The following AKR1D1 variants were observed in gnomAD, a reference collection of about 807,000 sequenced individuals.
AKR1D1 encodes aldo-keto reductase family 1 member D1, also known as delta(4)-3-ketosteroid 5-beta-reductase.
Under a neutral mutation model 42.6 loss-of-function variants are expected in AKR1D1, and 32 were observed. The observed-to-expected ratio is 0.75, with a 90% confidence interval of 0.57 to 1.01. The LOEUF (loss-of-function observed/expected upper bound fraction) is 1.01, where lower values mean the gene tolerates loss of function less well. Ranked by LOEUF, AKR1D1 falls within the 50% of genes least tolerant of loss-of-function variation. AKR1D1 has a pLI of 0.00. For synonymous variants in AKR1D1, 123 were observed against 135.5 expected (o/e 0.91, Z 0.64); for missense variants, 364 against 402.2 (o/e 0.91, Z 0.81).
At chr7:138,081,581 A>C (rs1470364147) in intron 1 of AKR1D1, among the ~76,000 whole-genome samples, 1 of 117,594 alleles carries the variant, frequency 8.5e-6, no homozygotes, top group Non-Finnish European at 1.6e-5. Context: ...GCTGGAGTGC[A>C]ATGGCACGAT....
Position 138,106,680 on chromosome 7 carries a change from G to C in AKR1D1, c.652G>C (p.Ala218Pro). Reference sequence around the variant, plus strand: ...CCAACAACATGACATTGTCATTACTGCATATAGCCCTTTGGGGACCAGTAG... The same window carrying C: ...CCAACAACATGACATTGTCATTACTCCATATAGCCCTTTGGGGACCAGTAG... Reference protein sequence around the residue: ...FCQQHDIVITAYSPLGTSRNP... With the variant: ...FCQQHDIVITPYSPLGTSRNP... Residue 218 changes from alanine to proline, a missense_variant, in exon 6 of 9, where the codon GCA becomes CCA. Ala to Pro is a conservative substitution (Grantham distance 27). Coordinates refer to ENST00000242375, the MANE Select transcript of AKR1D1 (RefSeq NM_005989.4). 1 of 1,613,956 alleles carries C rather than the reference G, an allele frequency of 6.2e-7. No individual in the cohort carries two copies. Among genetic ancestry groups the C allele is most frequent in the Non-Finnish European group, 8.5e-7 (1 of 1,179,880 alleles).
At chr7:138,093,028 G>C (rs2117437206) in intron 3 of AKR1D1, among the ~76,000 whole-genome samples, 1 of 150,718 alleles carries the variant, frequency 6.6e-6, no homozygotes. Context: ...TTAACTTTTT[G>C]ATTCTTTGTA....
intron 3 of AKR1D1, among the ~76,000 whole-genome samples, chr7:138,093,978 C>T (rs531689020): frequency 6.6e-6 from 1 of 152,292 alleles, no homozygotes; most frequent in East Asian, 1.9e-4. Context: ...CATGACTCTA[C>T]TTAAAAGTGA....
chr7:138,101,419 C>T (rs1357575065), intron 4 of AKR1D1, among the ~76,000 whole-genome samples: 4 of 151,548 alleles, frequency 2.6e-5, no homozygotes, highest in African/African-American at 4.9e-5. Flanking sequence ...AGGCTGGTCT[C>T]GAACTCCTGA....
chr7:138,084,450 C>G (rs1385862648), intron 1 of AKR1D1, among the ~76,000 whole-genome samples: 1 of 151,820 alleles, frequency 6.6e-6, no homozygotes, highest in Non-Finnish European at 1.5e-5. Context: ...AACTCCTGGG[C>G]TCAAGCGATC....
intron 1 of AKR1D1, among the ~76,000 whole-genome samples, chr7:138,086,398 T>A (rs1465655309): frequency 4.6e-5 from 7 of 152,222 alleles, no homozygotes; most frequent in Admixed American, 2.6e-4. Context: ...CTATTAATCA[T>A]GTTGTTATTT....
chr7:138,106,535 T>A, intron 5 of AKR1D1, 73 bp from the exon 6 acceptor site: 1 of 1,150,190 alleles, frequency 8.7e-7, no homozygotes, highest in Admixed American at 1.7e-5. Flanking sequence ...TTGAAGAATT[T>A]TTTTTAACAG....
chr7:138,111,131 T>C (rs906047592), intron 7 of AKR1D1, among the ~76,000 whole-genome samples: 1 of 152,098 alleles, frequency 6.6e-6, no homozygotes, highest in Non-Finnish European at 1.5e-5. Context: ...TCCTAATAAA[T>C]CCTCCATAGC....
intron 4 of AKR1D1, among the ~76,000 whole-genome samples, chr7:138,105,048 C>T (rs1377565867): frequency 1.3e-5 from 2 of 152,102 alleles, no homozygotes; most frequent in African/African-American, 4.8e-5. Context: ...TGTGAGCCAT[C>T]GCGCCCTACC....
intron 7 of AKR1D1, among the ~76,000 whole-genome samples, chr7:138,108,829 T>C (rs1794482806): frequency 6.6e-6 from 1 of 152,212 alleles, no homozygotes; most frequent in Admixed American, 6.5e-5. Flanking sequence ...AAATGATAAC[T>C]ATATGAGGTA....
chr7:138,097,724 C>A, intron 3 of AKR1D1, 142 bp from the exon 4 acceptor site: 1 of 758,810 alleles, frequency 1.3e-6, no homozygotes, highest in Non-Finnish European at 2.1e-6. Flanking sequence ...GCCGCTATGA[C>A]AAAATACTTT....
At chr7:138,079,633 A>G (rs981304049) in intron 1 of AKR1D1, among the ~76,000 whole-genome samples, 11 of 152,168 alleles carry the variant, frequency 7.2e-5, no homozygotes, top group Non-Finnish European at 1.2e-4. Flanking sequence ...AGCAACAGCA[A>G]CTCATTCAGA....
At chr7:138,092,299 C>T (rs923284813) in intron 3 of AKR1D1, among the ~76,000 whole-genome samples, 4 of 152,208 alleles carry the variant, frequency 2.6e-5, no homozygotes, top group Non-Finnish European at 5.9e-5. Flanking sequence ...ACCATTGAGA[C>T]ACACACCCTT....
rs760551876 is a variant in AKR1D1 at position 138,107,462 on chromosome 7, C to T, written c.737C>T (p.Ser246Leu). The T allele has an allele frequency of 2.5e-6, 4 of 1,613,990 alleles. No homozygotes were observed. The highest frequency in any genetic ancestry group is 1.1e-5 in the South Asian group (1 of 91,084). Residue 246 changes from serine to leucine, a missense_variant, in exon 7 of 9, where the codon TCA becomes TTA. By Grantham distance (145) the Ser-to-Leu change is moderately radical. Coordinates refer to ENST00000242375, the MANE Select transcript of AKR1D1 (RefSeq NM_005989.4). ...PPLLKDALLN[S>L]LGKRYNKTAA... is the part of the protein sequence containing the mutation. ...TTGTTAAAGGATGCACTTCTAAACTCATTGGGGAAAAGGTACAATAAGACA... is the reference window on the plus strand; with the variant it reads ...TTGTTAAAGGATGCACTTCTAAACTTATTGGGGAAAAGGTACAATAAGACA...
Position 138,105,386 on chromosome 7 carries a change from T to C in AKR1D1, c.536T>C (p.Ile179Thr). ...SNFNRRQLEL[I>T]LNKPGLKHKP... ...TTTAACCGCAGGCAGCTGGAGCTCATCCTGAACAAGCCAGGACTCAAACAC... is the reference window on the plus strand; with the variant it reads ...TTTAACCGCAGGCAGCTGGAGCTCACCCTGAACAAGCCAGGACTCAAACAC... Residue 179 changes from isoleucine (I) to threonine (T), a missense_variant, in exon 5 of 9, where the codon ATC becomes ACC. Physicochemically the swap from Ile to Thr is moderately conservative, Grantham distance 89 (BLOSUM62 -1). Coordinates refer to ENST00000242375, the MANE Select transcript of AKR1D1 (RefSeq NM_005989.4). 9 of 1,614,014 alleles carry C rather than the reference T, an allele frequency of 5.6e-6. No homozygotes were observed. The highest frequency in any genetic ancestry group is 7.6e-6 in the Non-Finnish European group (9 of 1,179,970).
In AKR1D1 at chr7:138,116,653, T is replaced by C. The variant is rs1264709324; in HGVS notation, c.972T>C (p.Asp324=). ...ATCATCCTGAATACCCATTTCATGA[T>C]GAATACTGACTGCAGGGAGTTCCTG... ...WRDHPEYPFH[D]EY The change falls in exon 9 of 9, where the codon GAT becomes GAC. Residue 324 remains aspartate, a synonymous_variant. Transcript: ENST00000242375. 1 of 1,614,068 alleles carries C rather than the reference T, an allele frequency of 6.2e-7. No individual in the cohort carries two copies. Among genetic ancestry groups the C allele is most frequent in the Non-Finnish European group, 8.5e-7 (1 of 1,180,048 alleles).
chr7:138,096,121 C>T (rs1008879000), intron 3 of AKR1D1, among the ~76,000 whole-genome samples: 8 of 152,162 alleles, frequency 5.3e-5, no homozygotes, highest in African/African-American at 1.9e-4. Flanking sequence ...GGGAGGATCA[C>T]CTGAGCCTGG....
In AKR1D1 at chr7:138,106,836, T is replaced by C; in HGVS notation, c.689+119T>C. 8 of 765,860 alleles carry C rather than the reference T, an allele frequency of 1.0e-5. No homozygotes were observed. The Admixed American group carries it at 1.2e-4, about 11-fold the overall frequency. The allele number at this position is 765,860 out of a possible 1,614,324, so 47.4% of individuals were successfully genotyped here. Reference sequence around the variant, plus strand: ...TGCAACCTCTTCAAGTCATTATCTGTATATATGAATTAGAACTTTTCATAC... The same window carrying C: ...TGCAACCTCTTCAAGTCATTATCTGCATATATGAATTAGAACTTTTCATAC... On this transcript the variant is annotated intron_variant, in intron 6 of 8. Coordinates refer to ENST00000242375, the MANE Select transcript of AKR1D1 (RefSeq NM_005989.4).
In AKR1D1 at chr7:138,090,561, C is replaced by G. The variant is rs138281125; in HGVS notation, c.262-1207C>G. Among the ~76,000 whole-genome samples, 17 of 150,652 alleles carry G rather than the reference C, an allele frequency of 1.1e-4. No homozygotes were observed. The East Asian group carries it at 3.1e-3, about 28-fold the overall frequency. ...CTGAGGCAGCAGAATCGCTTGAACC[C>G]GGGAGGCAGAGGTTGCACTAAGCCA... is the stretch of plus-strand genomic sequence containing the variant. On this transcript the variant is annotated intron_variant, in intron 2 of 8. Coordinates refer to ENST00000242375, the MANE Select transcript of AKR1D1 (RefSeq NM_005989.4).
Sources: allele counts gnomAD v4.1 joint callset (sites outside exome capture counted in the v4.1 genomes callset), GRCh38; gene constraint gnomAD v4.1.1; transcripts MANE v1.5; gene names NCBI Gene and HGNC (gene_info 2026-07-23, HGNC 2026-07-21).